JMJD1C: variants seen among roughly 807,000 people sequenced by gnomAD.
JMJD1C encodes the protein jumonji domain-containing protein 1C.
JMJD1C carries 31 observed loss-of-function variants against 245.3 expected under a neutral mutation model. The observed-to-expected ratio is 0.13, with a 90% CI of 0.09 to 0.17. The LOEUF is 0.17. Among genes scored for constraint, JMJD1C ranks in the 10% least tolerant of loss-of-function variants. The pLI, the probability that JMJD1C is intolerant of heterozygous loss-of-function variation, is 1.00. For missense variants in JMJD1C, 2,691 were observed against 3,000.2 expected (o/e 0.90, Z 2.41); for synonymous variants, 1,057 against 1,017.4 (o/e 1.04, Z -0.74).
At chr10:63,237,375 A>G (rs1850871744) in intron 3 of JMJD1C, among the ~76,000 whole-genome samples, 1 of 152,152 alleles carries the variant, frequency 6.6e-6, no homozygotes, top group Non-Finnish European at 1.5e-5. Context: ...TATACAGTGC[A>G]ATGAATGTAA....
rs140786525 is a variant in JMJD1C at position 63,395,872 on chromosome 10, C to T, written c.169-15390G>A. ...TATACACTGTATAATTCTATTCATG[C>T]GACACCCAAGAAAAAGACAAGAAAA... On this transcript the variant is annotated intron_variant, in intron 1 of 25. Transcript: ENST00000399262. Among the ~76,000 whole-genome samples, 489 of 151,946 alleles carry T rather than the reference C, an allele frequency of 3.2e-3. 2 individuals carry two copies. The highest frequency in any genetic ancestry group is 0.011 in the African/African-American group (474 of 41,444).
In JMJD1C at chr10:63,264,559, A is replaced by G. The variant is rs115367616; in HGVS notation, c.447+92T>C. ...TTCACACAACTAGAAGTTAGATGAA[A>G]TGATATTTAAAGAATATTGTTTAAA... On this transcript the variant is annotated intron_variant, in intron 3 of 25. Coordinates refer to ENST00000399262, the MANE Select transcript of JMJD1C (RefSeq NM_032776.3). 77 of 619,392 alleles carry G rather than the reference A, an allele frequency of 1.2e-4. No homozygotes were observed. The African/African-American group carries it at 1.3e-3, about 10-fold the overall frequency. The allele number at this position is 619,392 out of a possible 1,614,324, so 38.4% of individuals were successfully genotyped here. A position where few individuals can be genotyped will look rare whatever the true frequency, so the allele number is the denominator to read the frequency against.
intron 3 of JMJD1C, among the ~76,000 whole-genome samples, chr10:63,246,191 A>G (rs1054195680): frequency 1.3e-5 from 2 of 152,194 alleles, no homozygotes; most frequent in East Asian, 1.9e-4. Flanking sequence ...AAAACTTGAG[A>G]AGGAGATAAA....
chr10:63,265,096 T>A (rs1050894606), intron 2 of JMJD1C, among the ~76,000 whole-genome samples: 1 of 152,008 alleles, frequency 6.6e-6, no homozygotes, highest in African/African-American at 2.4e-5. Flanking sequence ...AACAGTAAAC[T>A]GGGTTGTAGA....
Position 63,207,566 on chromosome 10 carries a change from G to T in JMJD1C, c.4103C>A (p.Ser1368Tyr), listed in dbSNP as rs769043481. The change falls in exon 10 of 26, where the codon TCT (serine) becomes TAT (tyrosine). Residue 1368 changes from serine to tyrosine, a missense_variant. Transcript: ENST00000399262. ...TGAGACAGCCTGAAAGTTTTTTTCA[G>T]ATTTTGTGTGAACACTGTCTGAATT... ...NVNSDSVHTKSEKNFQAVSQG... is the reference protein window; with the variant it reads ...NVNSDSVHTKYEKNFQAVSQG... The T allele has an allele frequency of 1.1e-5, 18 of 1,614,156 alleles. No individual in the cohort carries two copies. The highest frequency in any genetic ancestry group is 1.5e-5 in the Non-Finnish European group (18 of 1,180,014).
At chr10:63,223,019 A>G in intron 3 of JMJD1C, 1 of 1,334,440 alleles carries the variant, frequency 7.5e-7, no homozygotes. Flanking sequence ...ATATAACAAT[A>G]CTATTAAAGT....
chr10:63,225,156 T>C (rs540958053), intron 3 of JMJD1C, among the ~76,000 whole-genome samples: 2 of 152,178 alleles, frequency 1.3e-5, no homozygotes, highest in Non-Finnish European at 2.9e-5. Context: ...ATAGTTCTTA[T>C]CTTGAATAAC....
At chr10:63,459,130 T>C (rs1392988128) in intron 1 of JMJD1C, among the ~76,000 whole-genome samples, 1 of 152,208 alleles carries the variant, frequency 6.6e-6, no homozygotes, top group East Asian at 1.9e-4. Flanking sequence ...GTAACATCTC[T>C]GAAGGATTTA....
rs140581942 is a variant in JMJD1C at position 63,422,649 on chromosome 10, A to G, written c.169-42167T>C. Among the ~76,000 whole-genome samples, 623 of 152,268 alleles carry G rather than the reference A, an allele frequency of 4.1e-3. 3 individuals carry two copies. The highest frequency in any genetic ancestry group is 0.014 in the Middle Eastern group (4 of 294). On this transcript the variant is annotated intron_variant, in intron 1 of 25. Coordinates refer to ENST00000399262, the MANE Select transcript of JMJD1C (RefSeq NM_032776.3). Reference sequence around the variant, plus strand: ...TAAACGTACTGGACTTCCAAACTATATGCTACTTTTTGCGTAGAGAGCATG... The same window carrying G: ...TAAACGTACTGGACTTCCAAACTATGTGCTACTTTTTGCGTAGAGAGCATG...
intron 1 of JMJD1C, among the ~76,000 whole-genome samples, chr10:63,436,294 C>T (rs1301943822): frequency 1.3e-5 from 2 of 152,148 alleles, no homozygotes; most frequent in Non-Finnish European, 2.9e-5. Context: ...CTTCAATTAC[C>T]TTATGTTAAT....
intron 1 of JMJD1C, among the ~76,000 whole-genome samples, chr10:63,425,651 T>C (rs1156531246): frequency 6.6e-6 from 1 of 152,090 alleles, no homozygotes; most frequent in African/African-American, 2.4e-5. Context: ...GGCATGGTTG[T>C]GCACACCTGT....
At chr10:63,499,468 A>C (rs1954471826) in intron 1 of JMJD1C, among the ~76,000 whole-genome samples, 1 of 152,226 alleles carries the variant, frequency 6.6e-6, no homozygotes, top group African/African-American at 2.4e-5. Context: ...GTAGACAACA[A>C]AACTTCTAAA....
intron 2 of JMJD1C, among the ~76,000 whole-genome samples, chr10:63,268,240 A>G (rs1483537968): frequency 6.6e-6 from 1 of 151,958 alleles, no homozygotes; most frequent in Non-Finnish European, 1.5e-5. Flanking sequence ...ACCAAAAAAA[A>G]AAAAAAAAAG....
chr10:63,206,003 T>A (rs562613698), intron 10 of JMJD1C, among the ~76,000 whole-genome samples: 1 of 152,140 alleles, frequency 6.6e-6, no homozygotes, highest in African/African-American at 2.4e-5. Context: ...ATTCTGTCAC[T>A]GACTGAAAAG....
chr10:63,199,410 A>T (rs1845784129), intron 11 of JMJD1C, among the ~76,000 whole-genome samples: 1 of 152,126 alleles, frequency 6.6e-6, no homozygotes, highest in African/African-American at 2.4e-5. Context: ...CTAAGATACA[A>T]GTCATACTGT....
chr10:63,326,469 A>G lies in JMJD1C; in HGVS notation c.333+53849T>C, dbSNP rs887046402. 7.9e-5 allele frequency among the ~76,000 whole-genome samples: 12 copies of G among 152,164 alleles called. No individual in the cohort carries two copies. In the South Asian group the frequency reaches 1.0e-3, roughly 13 times the overall value. On this transcript the variant is annotated intron_variant, in intron 2 of 25. Coordinates refer to ENST00000399262, the MANE Select transcript of JMJD1C (RefSeq NM_032776.3). ...TAACAATTTATTACAATGGCAAGAA[A>G]TCAGTAATGTTATAAGATACTGCCT... is the stretch of plus-strand genomic sequence containing the variant.
intron 1 of JMJD1C, among the ~76,000 whole-genome samples, chr10:63,395,059 A>G (rs1948384422): frequency 6.6e-6 from 1 of 152,200 alleles, no homozygotes; most frequent in Non-Finnish European, 1.5e-5. Context: ...AGATTTGAAC[A>G]TGTACTTCAC....
intron 1 of JMJD1C, among the ~76,000 whole-genome samples, chr10:63,518,686 T>A (rs2133308858): frequency 6.6e-6 from 1 of 152,350 alleles, no homozygotes; most frequent in East Asian, 1.9e-4. Context: ...AAATACTACA[T>A]GAAAGTCAGG....
Position 63,365,695 on chromosome 10 carries a change from A to G in JMJD1C, c.333+14623T>C, listed in dbSNP as rs146721917. Reference sequence around the variant, plus strand: ...CTAATTAAAATGAAAATGTAAACAAATCAATTAACATGATTATCCCAGACC... The same window carrying G: ...CTAATTAAAATGAAAATGTAAACAAGTCAATTAACATGATTATCCCAGACC... On this transcript the variant is annotated intron_variant, in intron 2 of 25. Coordinates refer to ENST00000399262, the MANE Select transcript of JMJD1C (RefSeq NM_032776.3). Among the ~76,000 whole-genome samples, 5 of 152,368 alleles carry G rather than the reference A, an allele frequency of 3.3e-5. No individual in the cohort carries two copies. In the East Asian group the frequency reaches 9.6e-4, roughly 29 times the overall value.
Sources: gnomAD v4.1 joint callset for allele counts (sites outside exome capture counted in the v4.1 genomes callset) on GRCh38, gnomAD v4.1.1 for gene constraint, MANE v1.5 for transcripts, NCBI Gene and HGNC (gene_info 2026-07-23, HGNC 2026-07-21) for gene names.